The following NTM variants were observed in gnomAD, a reference collection of about 807,000 sequenced individuals.
NTM encodes the protein IgLON family member 2.
Under a neutral mutation model 42.1 loss-of-function variants are expected in NTM, and 13 were observed. The ratio of observed to expected loss-of-function variants is 0.31; its 90% confidence interval spans 0.20 to 0.49. The LOEUF (loss-of-function observed/expected upper bound fraction) is 0.49. Ranked by LOEUF, NTM falls within the 20% of genes least tolerant of loss-of-function variation. NTM has a pLI of 0.99. For missense variants in NTM, 373 were observed against 452.8 expected, an observed-to-expected ratio of 0.82 and a Z score of 1.60; for synonymous variants, 187 against 179.2, an observed-to-expected ratio of 1.04 and a Z score of -0.35.
intron 3 of NTM, among the ~76,000 whole-genome samples, chr11:132,147,215 G>A (rs1222042074): frequency 8.3e-6 from 1 of 120,536 alleles, no homozygotes; most frequent in African/African-American, 4.1e-5. Flanking sequence ...GTGTGTGTGT[G>A]AGAGAGAGAG....
chr11:131,549,734 T>C (rs1392287738), intron 1 of NTM, among the ~76,000 whole-genome samples: 1 of 152,084 alleles, frequency 6.6e-6, no homozygotes, highest in East Asian at 1.9e-4. Flanking sequence ...GTATTGGAGG[T>C]TATTCAAAGC....
chr11:131,461,598 A>G (rs1470757943), intron 1 of NTM, among the ~76,000 whole-genome samples: 5 of 152,180 alleles, frequency 3.3e-5, no homozygotes, highest in Middle Eastern at 3.2e-3. Context: ...TAGCTGTAAG[A>G]GGAATAAGTT....
intron 1 of NTM, among the ~76,000 whole-genome samples, chr11:131,436,340 A>G (rs1160804614): frequency 2.6e-5 from 4 of 152,134 alleles, no homozygotes; most frequent in Admixed American, 2.0e-4. Context: ...ACTGAGTGGA[A>G]TAGTTTCAGA....
intron 2 of NTM, among the ~76,000 whole-genome samples, chr11:131,956,369 G>A (rs527439365): frequency 3.7e-4 from 57 of 152,246 alleles, no homozygotes; most frequent in Middle Eastern, 3.4e-3. Context: ...TTGGGAGTGC[G>A]GGGATATGGA....
chr11:132,165,306 C>T (rs572887142), intron 3 of NTM, among the ~76,000 whole-genome samples: 1 of 152,222 alleles, frequency 6.6e-6, no homozygotes, highest in East Asian at 1.9e-4. Flanking sequence ...GACTAGAGAT[C>T]GTCCTTGATT....
intron 3 of NTM, among the ~76,000 whole-genome samples, chr11:132,203,445 C>T (rs759856822): frequency 4.1e-4 from 63 of 152,166 alleles, no homozygotes; most frequent in Non-Finnish European, 7.5e-4. Context: ...TTGCCATGCA[C>T]TTATACAGCT....
At chr11:132,299,517 G>A (rs974233740) in intron 4 of NTM, among the ~76,000 whole-genome samples, 2 of 152,146 alleles carry the variant, frequency 1.3e-5, no homozygotes, top group African/African-American at 4.8e-5. Context: ...AAGAAGTTCA[G>A]GTGAAGTAAA....
At chr11:131,704,064 C>A (rs789526) in intron 1 of NTM, among the ~76,000 whole-genome samples, 19,773 of 149,082 alleles carry the variant, frequency 0.13, 1,620 homozygotes, top group South Asian at 0.22. Flanking sequence ...CTAGGCCAGC[C>A]CTTACAACCC....
Position 132,239,714 on chromosome 11 carries a change from G to A in NTM, c.526+27567G>A, listed in dbSNP as rs909284586. ...CTTATAATGAATAGTTTTTATCTCC[G>A]GCCATACATATGAAGTGTGAGGGGT... On this transcript the variant is annotated intron_variant, in intron 4 of 8. Transcript: ENST00000683400. Among the ~76,000 whole-genome samples, 22 of 152,054 alleles carry A rather than the reference G, an allele frequency of 1.4e-4. No homozygotes were observed. In the East Asian group the frequency reaches 1.9e-3, roughly 13 times the overall value.
intron 2 of NTM, among the ~76,000 whole-genome samples, chr11:132,048,000 A>G (rs1405227117): frequency 2.0e-5 from 3 of 149,400 alleles, no homozygotes; most frequent in African/African-American, 7.3e-5. Context: ...GTTCCTATTA[A>G]CTTTTTTTTT....
chr11:131,811,482 C>T (rs545823731), intron 1 of NTM, among the ~76,000 whole-genome samples: 23 of 152,234 alleles, frequency 1.5e-4, no homozygotes, highest in South Asian at 4.1e-4. Flanking sequence ...GGAGGAAGAG[C>T]GAGTGGGAAA....
intron 1 of NTM, among the ~76,000 whole-genome samples, chr11:131,790,536 C>T (rs2090781392): frequency 6.6e-6 from 1 of 152,172 alleles, no homozygotes; most frequent in Admixed American, 6.5e-5. Context: ...AAGAAGGATG[C>T]ATCCCATGTA....
intron 1 of NTM, among the ~76,000 whole-genome samples, chr11:131,699,229 C>T (rs939277644): frequency 2.0e-5 from 3 of 152,170 alleles, no homozygotes; most frequent in African/African-American, 7.2e-5. Context: ...CTGAACTATA[C>T]AGAAGATGTT....
intron 4 of NTM, among the ~76,000 whole-genome samples, chr11:132,277,034 C>A (rs190690102): frequency 6.6e-6 from 1 of 152,266 alleles, no homozygotes. Context: ...ACATCCACTT[C>A]TATTTCTAGC....
chr11:131,900,606 T>C (rs2053004912), intron 1 of NTM, among the ~76,000 whole-genome samples: 1 of 151,020 alleles, frequency 6.6e-6, no homozygotes, highest in African/African-American at 2.4e-5. Context: ...GGATGTAAAA[T>C]ATATTTTGGA....
chr11:131,655,468 A>G (rs902451998), intron 1 of NTM, among the ~76,000 whole-genome samples: 1 of 152,224 alleles, frequency 6.6e-6, no homozygotes, highest in Non-Finnish European at 1.5e-5. Flanking sequence ...AAAAAAGGCA[A>G]GGTCAGCAAC....
chr11:131,830,136 T>C (rs2042634205), intron 1 of NTM, among the ~76,000 whole-genome samples: 1 of 152,206 alleles, frequency 6.6e-6, no homozygotes, highest in Non-Finnish European at 1.5e-5. Context: ...GATTGTTTAC[T>C]CTGTTGATAG....
At chr11:131,478,339 C>T (rs1953179756) in intron 1 of NTM, among the ~76,000 whole-genome samples, 2 of 152,172 alleles carry the variant, frequency 1.3e-5, no homozygotes, top group Admixed American at 1.3e-4. Context: ...ACAGGGCACA[C>T]ATCAGGAATT....
At chr11:132,164,288 G>A (rs1253386181) in intron 3 of NTM, among the ~76,000 whole-genome samples, 1 of 152,022 alleles carries the variant, frequency 6.6e-6, no homozygotes, top group African/African-American at 2.4e-5. Flanking sequence ...CCTGTCTGGC[G>A]GGATTCTTGT....
Sources: gnomAD v4.1 joint callset for allele counts (sites outside exome capture counted in the v4.1 genomes callset) on GRCh38, gnomAD v4.1.1 for gene constraint, MANE v1.5 for transcripts, NCBI Gene and HGNC (gene_info 2026-07-23, HGNC 2026-07-21) for gene names.